CEP57L1: variants seen among roughly 807,000 people sequenced by gnomAD.
CEP57L1 encodes the protein centrosomal protein 57 like 1.
CEP57L1 carries 37 observed loss-of-function variants against 61.0 expected under a neutral mutation model. That is an observed-to-expected ratio of 0.61 (90% CI 0.47 to 0.80). The LOEUF (loss-of-function observed/expected upper bound fraction) is 0.80, where lower values mean the gene tolerates loss of function less well. Ranked by LOEUF, CEP57L1 falls within the 30% of genes least tolerant of loss-of-function variation. The pLI, the probability that CEP57L1 is intolerant of heterozygous loss-of-function variation, is 0.00. For synonymous variants in CEP57L1, 137 were observed against 162.3 expected (o/e 0.84, Z 1.19); for missense variants, 422 against 524.7 (o/e 0.80, Z 1.91).
rs1345069856 is a variant in CEP57L1, at chr6:109,167,597, A to C, written c.*4627A>C. Among the ~76,000 whole-genome samples the C allele has an allele frequency of 1.3e-5, 2 of 152,082 alleles. No individual in the cohort carries two copies. The highest frequency in any genetic ancestry group is 4.8e-5 in the African/African-American group (2 of 41,382). ...GAGGCTGAGGCAGGATAATTGCTTGAACCTGGGAGGCAGAGGTTGCGGTGA... is the reference window on the plus strand; with the variant it reads ...GAGGCTGAGGCAGGATAATTGCTTGCACCTGGGAGGCAGAGGTTGCGGTGA... On this transcript the variant is annotated 3_prime_UTR_variant, in exon 11 of 11. Transcript: ENST00000517392.
At chr6:109,123,545 GT>G (rs1370269316) in intron 1 of CEP57L1, among the ~76,000 whole-genome samples, 1 of 152,128 alleles carries the variant, frequency 6.6e-6, no homozygotes, top group Non-Finnish European at 1.5e-5. Context: ...AATGTTAGCT[GT>G]TTTTTAAAAA....
chr6:109,111,039 G>A (rs534128256), intron 1 of CEP57L1, among the ~76,000 whole-genome samples: 10 of 152,270 alleles, frequency 6.6e-5, no homozygotes, highest in Admixed American at 5.2e-4. Context: ...GAAATTTAAA[G>A]TAGTTTTTTC....
At chr6:109,144,185 G>A (rs1307249025) in intron 1 of CEP57L1, among the ~76,000 whole-genome samples, 1 of 152,164 alleles carries the variant, frequency 6.6e-6, no homozygotes, top group Admixed American at 6.5e-5. Flanking sequence ...CATGGCAATG[G>A]CTAAAGTAGA....
At chr6:109,096,408 A>G (rs1011405632) in intron 1 of CEP57L1, among the ~76,000 whole-genome samples, 4 of 152,310 alleles carry the variant, frequency 2.6e-5, no homozygotes, top group South Asian at 4.1e-4. Flanking sequence ...ACTTAGCCCA[A>G]TCTTGGAAAG....
intron 1 of CEP57L1, among the ~76,000 whole-genome samples, chr6:109,141,828 A>G (rs974501026): frequency 1.3e-5 from 2 of 152,198 alleles, no homozygotes; most frequent in African/African-American, 2.4e-5. Flanking sequence ...AGATGCATAC[A>G]TAAAGAAAAA....
chr6:109,154,586 C>G (rs972959098), intron 5 of CEP57L1, among the ~76,000 whole-genome samples: 1 of 151,980 alleles, frequency 6.6e-6, no homozygotes, highest in African/African-American at 2.4e-5. Context: ...CTGATATACT[C>G]CAAAATCCAA....
chr6:109,114,492 G>A (rs747394683), intron 1 of CEP57L1, among the ~76,000 whole-genome samples: 22 of 150,938 alleles, frequency 1.5e-4, no homozygotes, highest in Non-Finnish European at 2.8e-4. Flanking sequence ...ATACTGTTTA[G>A]CCTTTAAAAA....
intron 1 of CEP57L1, among the ~76,000 whole-genome samples, chr6:109,114,912 T>C (rs561752865): frequency 6.6e-5 from 10 of 152,230 alleles, no homozygotes; most frequent in Non-Finnish European, 1.0e-4. Flanking sequence ...TACTCTGATA[T>C]GATCATTCCA....
chr6:109,167,468 A>G lies in CEP57L1; in HGVS notation c.*4498A>G, dbSNP rs114435564. On this transcript the variant is annotated 3_prime_UTR_variant, in exon 11 of 11. Transcript: ENST00000517392. ...GAGGCCGAGGCAGGCGGATCACCTAAGTCAGGAGTTCAACACCAGCCTGGC... is the reference window on the plus strand; with the variant it reads ...GAGGCCGAGGCAGGCGGATCACCTAGGTCAGGAGTTCAACACCAGCCTGGC... Among the ~76,000 whole-genome samples, 1,139 of 152,132 alleles carry G rather than the reference A, an allele frequency of 7.5e-3. 17 individuals carry two copies. Among genetic ancestry groups the G allele is most frequent in the African/African-American group, 0.026 (1,090 of 41,498 alleles).
intron 1 of CEP57L1, among the ~76,000 whole-genome samples, chr6:109,137,364 C>A (rs1042078095): frequency 6.6e-6 from 1 of 151,970 alleles, no homozygotes; most frequent in Non-Finnish European, 1.5e-5. Flanking sequence ...TGCGGTGGCC[C>A]CATCTCGGCT....
chr6:109,163,350 T>A lies in CEP57L1; in HGVS notation c.*380T>A, dbSNP rs1426916225. 1 of 161,682 alleles carries A rather than the reference T, an allele frequency of 6.2e-6. No individual in the cohort carries two copies. The highest frequency in any genetic ancestry group is 2.4e-5 in the African/African-American group (1 of 41,542). 10.0% of individuals were successfully genotyped at this position (161,682 alleles called of 1,614,324 possible). A position where few individuals can be genotyped will look rare whatever the true frequency, so the allele number is the denominator to read the frequency against. ...GTAGGTTTGGAACCTTAAAAACCAA[T>A]GTTCAATGAACAGAGTTCAGAAAGA... On this transcript the variant is annotated 3_prime_UTR_variant, in exon 11 of 11. Transcript: ENST00000517392.
At chr6:109,126,021 G>A (rs1323819426) in intron 1 of CEP57L1, among the ~76,000 whole-genome samples, 1 of 151,870 alleles carries the variant, frequency 6.6e-6, no homozygotes, top group Non-Finnish European at 1.5e-5. Flanking sequence ...TGATTTGCTG[G>A]GTTCAACCAT....
Position 109,169,337 on chromosome 6 carries a change from T to C in CEP57L1, c.*6367T>C, listed in dbSNP as rs369604832. On this transcript the variant is annotated 3_prime_UTR_variant, in exon 11 of 11. Coordinates refer to ENST00000517392, the MANE Select transcript of CEP57L1 (RefSeq NM_001271852.3). ...GTCATTTTTAATGTAGCCCTAAATG[T>C]TTTTTAGGGAAGAAAAAGTTGGCTT... 7.6e-4 allele frequency among the ~76,000 whole-genome samples: 116 copies of C among 152,192 alleles called. No homozygotes were observed. In the South Asian group the frequency reaches 0.021, roughly 27 times the overall value.
chr6:109,118,236 C>T (rs1373786518), intron 1 of CEP57L1, among the ~76,000 whole-genome samples: 1 of 152,210 alleles, frequency 6.6e-6, no homozygotes, highest in African/African-American at 2.4e-5. Context: ...AGGGTTTCAC[C>T]ATATTGGCCA....
intron 9 of CEP57L1, among the ~76,000 whole-genome samples, chr6:109,160,243 T>C (rs888441277): frequency 6.6e-6 from 1 of 152,218 alleles, no homozygotes; most frequent in Admixed American, 6.5e-5. Context: ...CCAAAGATCC[T>C]ATATCAATAA....
intron 1 of CEP57L1, among the ~76,000 whole-genome samples, chr6:109,115,537 CAG>C (rs1164470980): frequency 6.6e-6 from 1 of 151,976 alleles, no homozygotes; most frequent in Non-Finnish European, 1.5e-5. Context: ...TGTGTGCACT[CAG>C]GGAATGCAAA....
At chr6:109,116,139 GTTATGTTATGTTA>G (rs1772265664) in intron 1 of CEP57L1, among the ~76,000 whole-genome samples, 5 of 134,814 alleles carry the variant, frequency 3.7e-5, no homozygotes, top group Non-Finnish European at 6.3e-5. Flanking sequence ...GTTATGTTAT[GTTATGTTATGTTA>G]TGTTATGTTA....
At chr6:109,148,705 C>T (rs1772247083) in intron 3 of CEP57L1, among the ~76,000 whole-genome samples, 1 of 152,126 alleles carries the variant, frequency 6.6e-6, no homozygotes, top group Non-Finnish European at 1.5e-5. Context: ...CTGACTTCCA[C>T]AATGGTTGAA....
intron 1 of CEP57L1, among the ~76,000 whole-genome samples, chr6:109,134,592 G>A (rs957615585): frequency 1.3e-5 from 2 of 152,140 alleles, no homozygotes; most frequent in African/African-American, 4.8e-5. Context: ...GAAATAAAGG[G>A]TATTCATTTA....
Sources: allele counts gnomAD v4.1 joint callset (sites outside exome capture counted in the v4.1 genomes callset), GRCh38; gene constraint gnomAD v4.1.1; transcripts MANE v1.5; gene names NCBI Gene and HGNC (gene_info 2026-07-23, HGNC 2026-07-21).